Variants in RNF150 observed in about 807,000 individuals in gnomAD.
The protein encoded by RNF150 is ring finger protein 150.
In RNF150, 24 loss-of-function variants were observed where a neutral mutation model predicts 39.3. The observed-to-expected ratio is 0.61, with a 90% CI of 0.44 to 0.86. The LOEUF (loss-of-function observed/expected upper bound fraction) is 0.86. Ranked by LOEUF, RNF150 falls within the 40% of genes least tolerant of loss-of-function variation. The pLI, the probability that RNF150 is intolerant of heterozygous loss-of-function variation, is 0.00. For missense variants in RNF150, 502 were observed against 587.8 expected, an observed-to-expected ratio of 0.85 and a Z score of 1.51; for synonymous variants, 255 against 227.3, an observed-to-expected ratio of 1.12 and a Z score of -1.10.
At chr4:140,972,592 G>A (rs904365839) in intron 1 of RNF150, among the ~76,000 whole-genome samples, 8 of 152,126 alleles carry the variant, frequency 5.3e-5, no homozygotes. Context: ...AGGCTCCCCT[G>A]CAGCTGGGTG....
chr4:140,925,252 G>A (rs2111319490), intron 5 of RNF150, among the ~76,000 whole-genome samples: 1 of 152,284 alleles, frequency 6.6e-6, no homozygotes, highest in Non-Finnish European at 1.5e-5. Flanking sequence ...CATAGCAGCT[G>A]GTGTCTCACC....
chr4:141,007,804 G>C (rs1287653765), intron 1 of RNF150, among the ~76,000 whole-genome samples: 1 of 152,156 alleles, frequency 6.6e-6, no homozygotes, highest in Non-Finnish European at 1.5e-5. Flanking sequence ...TCCCACAGGT[G>C]CATCTGGTTG....
intron 1 of RNF150, among the ~76,000 whole-genome samples, chr4:141,197,706 A>G (rs542003432): frequency 6.6e-6 from 1 of 151,992 alleles, no homozygotes; most frequent in Admixed American, 6.5e-5. Context: ...GTGAAACCCC[A>G]TCTCTACTAA....
At chr4:141,008,830 G>A (rs150499682) in intron 1 of RNF150, among the ~76,000 whole-genome samples, 63 of 151,864 alleles carry the variant, frequency 4.1e-4, no homozygotes, top group Non-Finnish European at 7.8e-4. Context: ...ATCTGGTGGT[G>A]TAAGTTCTTC....
intron 1 of RNF150, among the ~76,000 whole-genome samples, chr4:141,172,765 C>T (rs983936830): frequency 2.0e-5 from 3 of 152,152 alleles, no homozygotes; most frequent in Non-Finnish European, 4.4e-5. Context: ...TGGCTCATGC[C>T]TGTAATCCCA....
At chr4:141,118,191 T>C (rs1726491473) in intron 1 of RNF150, among the ~76,000 whole-genome samples, 1 of 152,124 alleles carries the variant, frequency 6.6e-6, no homozygotes, top group Non-Finnish European at 1.5e-5. Flanking sequence ...TACTGAGGCA[T>C]GGTCTGACTT....
chr4:141,097,181 A>G (rs542923419), intron 1 of RNF150, among the ~76,000 whole-genome samples: 1 of 152,256 alleles, frequency 6.6e-6, no homozygotes, highest in East Asian at 1.9e-4. Context: ...CTTCTGCCCA[A>G]ACAGAATGTG....
chr4:141,168,143 C>T (rs899474358), intron 1 of RNF150, among the ~76,000 whole-genome samples: 2 of 152,060 alleles, frequency 1.3e-5, no homozygotes, highest in Admixed American at 6.6e-5. Context: ...AGGACATGAA[C>T]AGGCACTTCT....
At chr4:141,002,618 C>A (rs1314493436) in intron 1 of RNF150, among the ~76,000 whole-genome samples, 2 of 152,086 alleles carry the variant, frequency 1.3e-5, no homozygotes, top group Non-Finnish European at 2.9e-5. Flanking sequence ...ATACCACTGA[C>A]AAATTGCTAA....
chr4:141,126,512 T>A (rs1490555206), intron 1 of RNF150, among the ~76,000 whole-genome samples: 2 of 152,200 alleles, frequency 1.3e-5, no homozygotes, highest in South Asian at 2.1e-4. Flanking sequence ...TTTGGCTACA[T>A]AAAGATGGAG....
intron 1 of RNF150, among the ~76,000 whole-genome samples, chr4:141,044,610 A>G (rs1578664145): frequency 6.6e-6 from 1 of 152,250 alleles, no homozygotes; most frequent in African/African-American, 2.4e-5. Context: ...ACTGGAAAAT[A>G]CTGTTTTTGC....
chr4:141,186,088 A>G (rs1221194711), intron 1 of RNF150, among the ~76,000 whole-genome samples: 1 of 152,208 alleles, frequency 6.6e-6, no homozygotes, highest in East Asian at 1.9e-4. Context: ...ATTGTTTGGA[A>G]TAGTTTCAGA....
chr4:141,078,566 G>A (rs1737996401), intron 1 of RNF150, among the ~76,000 whole-genome samples: 1 of 151,304 alleles, frequency 6.6e-6, no homozygotes, highest in Admixed American at 6.6e-5. Flanking sequence ...GGCAGATCAC[G>A]AAGTCAGGAG....
chr4:141,067,954 T>G (rs1737528049), intron 1 of RNF150, among the ~76,000 whole-genome samples: 1 of 150,672 alleles, frequency 6.6e-6, no homozygotes, highest in South Asian at 2.1e-4. Context: ...CAAGATACTT[T>G]TTTTTTTTTT....
At position 140,919,273 on chromosome 4, in the gene RNF150, A is replaced by T. The variant is rs554963854; in HGVS notation, c.987+6704T>A. Among the ~76,000 whole-genome samples the T allele has an allele frequency of 5.7e-4, 83 of 144,786 alleles. 2 individuals are homozygous for T. The highest frequency in any genetic ancestry group is 2.1e-3 in the Admixed American group (30 of 14,100). The allele number at this position is 144,786 out of a possible 152,430, so 95.0% of individuals were successfully genotyped here. A position where few individuals can be genotyped will look rare whatever the true frequency, so the allele number is the denominator to read the frequency against. The stretch of plus-strand genomic sequence containing the variant: ...CCCTGTTTGCAGATGACATGATTGT[A>T]TATCTAGAAAACCCCACTGTCTCAG... On this transcript the variant is annotated intron_variant, in intron 5 of 6. Coordinates refer to ENST00000515673, the MANE Select transcript of RNF150 (RefSeq NM_020724.2).
rs928978416 is a variant in RNF150, at chr4:141,165,657, C to T, written c.-6+47137G>A. ...GGAATAAGAAATTCACTGAAAACCACACAACTACATGGAAACTGAACAACC... is the reference window on the plus strand; with the variant it reads ...GGAATAAGAAATTCACTGAAAACCATACAACTACATGGAAACTGAACAACC... On this transcript the variant is annotated intron_variant, in intron 1 of 7. Transcript: ENST00000420921. Among the ~76,000 whole-genome samples the T allele has an allele frequency of 4.6e-5, 7 of 152,286 alleles. No individual in the cohort carries two copies. In the South Asian group the frequency reaches 1.2e-3, roughly 27 times the overall value.
rs1728695354 is a variant in RNF150 at position 140,866,040 on chromosome 4, A to G, written c.*2221T>C. The G allele has an allele frequency of 6.6e-6, 1 of 152,224 alleles. No homozygotes were observed. Among genetic ancestry groups the G allele is most frequent in the Admixed American group, 6.5e-5 (1 of 15,284 alleles). 9.4% of individuals were successfully genotyped at this position (152,224 alleles called of 1,614,324 possible). ...CAAGAATCCCACAGTGAGAGCTAGGATTTGAAGGTATCCAGAGATTGCAAA... is the reference window on the plus strand; with the variant it reads ...CAAGAATCCCACAGTGAGAGCTAGGGTTTGAAGGTATCCAGAGATTGCAAA... On this transcript the variant is annotated 3_prime_UTR_variant, in exon 7 of 7. Coordinates refer to ENST00000515673, the MANE Select transcript of RNF150 (RefSeq NM_020724.2).
intron 4 of RNF150, among the ~76,000 whole-genome samples, chr4:140,935,538 T>C (rs150972659): frequency 5.3e-5 from 8 of 152,110 alleles, no homozygotes; most frequent in Non-Finnish European, 1.0e-4. Context: ...ATTTGCTATG[T>C]TGAAAAACAA....
At chr4:141,082,792 T>G (rs879147558) in intron 1 of RNF150, among the ~76,000 whole-genome samples, 3 of 151,744 alleles carry the variant, frequency 2.0e-5, no homozygotes, top group African/African-American at 7.3e-5. Flanking sequence ...GTTTCACCGT[T>G]TTAGCCGGGA....
Sources: allele counts gnomAD v4.1 joint callset (sites outside exome capture counted in the v4.1 genomes callset), GRCh38; gene constraint gnomAD v4.1.1; transcripts MANE v1.5; gene names NCBI Gene and HGNC (gene_info 2026-07-23, HGNC 2026-07-21).